Variants in REEP5 observed in about 807,000 individuals in gnomAD.
REEP5 encodes the protein receptor accessory protein 5, also known as receptor expression-enhancing protein 5.
Under a neutral mutation model 22.4 loss-of-function variants are expected in REEP5, and 24 were observed. That is an observed-to-expected ratio of 1.07 (90% CI 0.78 to 1.51). REEP5 has a LOEUF of 1.51. Among genes scored for constraint, REEP5 ranks in the 40% most tolerant of loss-of-function variants. REEP5 has a pLI of 0.00. For missense variants in REEP5, 252 were observed against 233.0 expected (o/e 1.08, Z -0.53); for synonymous variants, 103 against 88.6 (o/e 1.16, Z -0.92).
At chr5:112,886,932 A>C in intron 4 of REEP5, 83 bp downstream of exon 4, 1 of 1,056,618 alleles carries the variant, frequency 9.5e-7, no homozygotes, top group Non-Finnish European at 1.4e-6. Context: ...GTGATAAGAC[A>C]AGAAGGCCAG....
chr5:112,881,993 A>AACACCTG, intron 4 of REEP5: 1 of 152,616 alleles, frequency 6.6e-6, no homozygotes, highest in Non-Finnish European at 1.5e-5. Flanking sequence ...GCTGGTCTCA[A>AACACCTG]ACACCTGAGC....
chr5:112,909,813 G>A (rs1299939328), intron 2 of REEP5, among the ~76,000 whole-genome samples: 1 of 152,144 alleles, frequency 6.6e-6, no homozygotes, highest in Non-Finnish European at 1.5e-5. Flanking sequence ...AACCAAGGAT[G>A]GCCAAAGAAT....
At chr5:112,915,734 G>A (rs938449642) in intron 2 of REEP5, among the ~76,000 whole-genome samples, 2 of 152,200 alleles carry the variant, frequency 1.3e-5, no homozygotes, top group African/African-American at 2.4e-5. Flanking sequence ...GCGCAGGCAT[G>A]CATTGCTCTG....
At chr5:112,884,705 G>T (rs1036520598) in intron 4 of REEP5, among the ~76,000 whole-genome samples, 1 of 151,892 alleles carries the variant, frequency 6.6e-6, no homozygotes, top group African/African-American at 2.4e-5. Flanking sequence ...TATTGAGTCT[G>T]ATTCAGTAGA....
chr5:112,885,504 G>C (rs148367025), intron 4 of REEP5: 1 of 209,394 alleles, frequency 4.8e-6, no homozygotes, highest in Non-Finnish European at 1.0e-5. Flanking sequence ...TAACTAGGCA[G>C]ATGAGGGTAG....
At chr5:112,917,630 C>T (rs1769260427) in intron 2 of REEP5, among the ~76,000 whole-genome samples, 1 of 152,142 alleles carries the variant, frequency 6.6e-6, no homozygotes, top group African/African-American at 2.4e-5. Flanking sequence ...GGCTCACTAG[C>T]GCCCACCCTG....
chr5:112,893,950 G>A (rs1768589731), intron 3 of REEP5: 1 of 151,948 alleles, frequency 6.6e-6, no homozygotes, highest in Non-Finnish European at 1.5e-5. Flanking sequence ...GTTTTTTTGA[G>A]ATACGCATTT....
rs1481846321 is a variant in REEP5 at position 112,890,616 on chromosome 5, G to A, written c.352-3433C>T. ...TGGTCTCGAACTCCTGACCTCAAGTGATCCACCCATCTCAGCCTCCTAAAG... is the reference window on the plus strand; with the variant it reads ...TGGTCTCGAACTCCTGACCTCAAGTAATCCACCCATCTCAGCCTCCTAAAG... On this transcript the variant is annotated intron_variant, in intron 3 of 4. Coordinates refer to ENST00000379638, the MANE Select transcript of REEP5 (RefSeq NM_005669.5). Among the ~76,000 whole-genome samples the A allele has an allele frequency of 2.0e-5, 3 of 150,446 alleles. 1 individual carries two copies. Among genetic ancestry groups the A allele is most frequent in the African/African-American group, 7.4e-5 (3 of 40,316 alleles).
chr5:112,891,790 G>A, intron 3 of REEP5: 1 of 1,608,812 alleles, frequency 6.2e-7, no homozygotes, highest in Non-Finnish European at 8.5e-7. Context: ...ACTCTCACAG[G>A]AGGAGGAAGA....
At chr5:112,920,997 G>C (rs939584558) in intron 2 of REEP5, among the ~76,000 whole-genome samples, 166 bp downstream of exon 2, 1 of 152,164 alleles carries the variant, frequency 6.6e-6, no homozygotes, top group Non-Finnish European at 1.5e-5. Flanking sequence ...ATTAAGTTAA[G>C]GTTCCAAAAT....
At position 112,921,260 on chromosome 5, in the gene REEP5, G is replaced by A. The variant is rs533744752; in HGVS notation, c.119-4C>T. 8 of 1,613,918 alleles carry A rather than the reference G, an allele frequency of 5.0e-6. No homozygotes were observed. The East Asian group carries it at 1.6e-4, about 31-fold the overall frequency. On this transcript the variant is annotated splice_region_variant and splice_polypyrimidine_tract_variant and intron_variant, in intron 1 of 4. Coordinates refer to ENST00000379638, the MANE Select transcript of REEP5 (RefSeq NM_005669.5). ...AAGGCCACCAGTCCGATGACACCTG[G>A]GGACCACAAGGAGAGAAGTGGGTCG...
At position 112,878,560 on chromosome 5, in the gene REEP5, A is replaced by G. The variant is rs1196383808; in HGVS notation, c.*226T>C. 2.0e-5 allele frequency: 11 copies of G among 542,758 alleles called. No homozygotes were observed. The highest frequency in any genetic ancestry group is 3.4e-5 in the Non-Finnish European group (11 of 321,306). 33.6% of individuals were successfully genotyped at this position (542,758 alleles called of 1,614,324 possible). ...CTTTTCCTACCCAGAGGCAAAATAC[A>G]TTTTCCAAAAACGTGGACACTGCCC... On this transcript the variant is annotated 3_prime_UTR_variant, in exon 5 of 5. Coordinates refer to ENST00000379638, the MANE Select transcript of REEP5 (RefSeq NM_005669.5).
chr5:112,895,723 C>T (rs534120136), intron 3 of REEP5: 2 of 152,304 alleles, frequency 1.3e-5, no homozygotes, highest in African/African-American at 4.8e-5. Flanking sequence ...TATTCAGCTG[C>T]CACCTCTTAC....
intron 1 of REEP5, chr5:112,921,842 C>T (rs561890380): frequency 2.4e-6 from 1 of 423,214 alleles, no homozygotes; most frequent in Non-Finnish European, 4.2e-6. Context: ...GCTGCCAGCG[C>T]CCGGCGCCGC....
At chr5:112,886,315 T>C (rs1025486210) in intron 4 of REEP5, among the ~76,000 whole-genome samples, 7 of 152,220 alleles carry the variant, frequency 4.6e-5, no homozygotes, top group African/African-American at 1.4e-4. Flanking sequence ...TTCAGAACTA[T>C]AGGTTTTGAG....
In REEP5 at chr5:112,878,108, C is replaced by G. The variant is rs2545166; in HGVS notation, c.*678G>C. 97,597 of 151,948 alleles carry G rather than the reference C, an allele frequency of 0.64. 31,665 individuals are homozygous for G. Among genetic ancestry groups the G allele is most frequent in the East Asian group, 0.82 (4,255 of 5,164 alleles). The allele number at this position is 151,948 out of a possible 1,614,324, so 9.4% of individuals were successfully genotyped here. On this transcript the variant is annotated 3_prime_UTR_variant, in exon 5 of 5. Transcript: ENST00000379638. ...CCTGGTATTCATATGCCATATACTA[C>G]GGAAACAACCAGGCCAATCTCCATT...
intron 2 of REEP5, among the ~76,000 whole-genome samples, chr5:112,916,677 G>GT (rs1330665533): frequency 1.3e-5 from 2 of 152,164 alleles, no homozygotes; most frequent in African/African-American, 2.4e-5. Flanking sequence ...AGGTGATGTT[G>GT]TGTTTGTGGG....
At chr5:112,900,749 C>T (rs1248059313) in intron 3 of REEP5, among the ~76,000 whole-genome samples, 3 of 152,136 alleles carry the variant, frequency 2.0e-5, no homozygotes, top group Non-Finnish European at 4.4e-5. Flanking sequence ...GACTGGGGCC[C>T]CCTCCATTCC....
At chr5:112,913,937 T>C (rs1218273186) in intron 2 of REEP5, among the ~76,000 whole-genome samples, 1 of 149,578 alleles carries the variant, frequency 6.7e-6, no homozygotes, top group Admixed American at 6.7e-5. Context: ...TGTGTGTGTG[T>C]GCACCCAGGA....
Sources: gnomAD v4.1 joint callset for allele counts (sites outside exome capture counted in the v4.1 genomes callset) on GRCh38, gnomAD v4.1.1 for gene constraint, MANE v1.5 for transcripts, NCBI Gene and HGNC (gene_info 2026-07-23, HGNC 2026-07-21) for gene names.